SCHIP1: variants seen among roughly 807,000 people sequenced by gnomAD.
The protein encoded by SCHIP1 is schwannomin interacting protein 1, also known as schwannomin-interacting protein 1.
Under a neutral mutation model 29.7 loss-of-function variants are expected in SCHIP1, and 8 were observed. The ratio of observed to expected loss-of-function variants is 0.27; its 90% CI spans 0.16 to 0.49. The LOEUF (loss-of-function observed/expected upper bound fraction) is 0.49. Ranked by LOEUF, SCHIP1 falls within the 20% of genes least tolerant of loss-of-function variation. The pLI is 0.99. For missense variants in SCHIP1, 193 were observed against 294.6 expected, an observed-to-expected ratio of 0.66 and a Z score of 2.52; for synonymous variants, 76 against 94.9, an observed-to-expected ratio of 0.80 and a Z score of 1.16.
chr3:159,440,344 G>C, the SCHIP1 span, among the ~76,000 whole-genome samples: 1 of 152,124 alleles, frequency 6.6e-6, no homozygotes, highest in African/African-American at 2.4e-5. Flanking sequence ...CAGGTAACAT[G>C]ATGCCTCCAG....
the SCHIP1 span, among the ~76,000 whole-genome samples, chr3:159,360,929 G>T: frequency 9.9e-5 from 15 of 152,126 alleles, no homozygotes; most frequent in Non-Finnish European, 5.9e-5. Context: ...CTGGTGCCAG[G>T]TTCTGCTATG....
At chr3:159,803,143 C>T in the SCHIP1 span, among the ~76,000 whole-genome samples, 2 of 151,912 alleles carry the variant, frequency 1.3e-5, no homozygotes, top group South Asian at 4.2e-4. Flanking sequence ...GTATTCTTAT[C>T]CTAAGCATCC....
the SCHIP1 span, among the ~76,000 whole-genome samples, chr3:159,433,983 T>C: frequency 3.3e-5 from 5 of 152,206 alleles, no homozygotes; most frequent in Admixed American, 2.6e-4. Flanking sequence ...CTTGTCACAC[T>C]GTATCATAAT....
the SCHIP1 span, among the ~76,000 whole-genome samples, chr3:159,798,902 T>C: frequency 6.6e-6 from 1 of 152,240 alleles, no homozygotes; most frequent in African/African-American, 2.4e-5. Context: ...AGAATAATCA[T>C]GAGTTAAAAC....
At chr3:159,721,887 A>G in the SCHIP1 span, 1 of 432,354 alleles carries the variant, frequency 2.3e-6, no homozygotes. Context: ...CTGGCTAGAA[A>G]GCATCTCCTC....
At chr3:159,720,441 C>T in the SCHIP1 span, among the ~76,000 whole-genome samples, 7 of 151,872 alleles carry the variant, frequency 4.6e-5, no homozygotes, top group South Asian at 1.5e-3. Flanking sequence ...AACATCTTGC[C>T]CTTCTCAGTA....
At chr3:159,435,529 T>C in the SCHIP1 span, among the ~76,000 whole-genome samples, 1 of 152,130 alleles carries the variant, frequency 6.6e-6, no homozygotes, top group East Asian at 1.9e-4. Flanking sequence ...TGTGTCACCT[T>C]GGGTTTCTGG....
chr3:159,890,940 C>T (rs1717456834), intron 5 of SCHIP1, among the ~76,000 whole-genome samples: 1 of 152,166 alleles, frequency 6.6e-6, no homozygotes, highest in East Asian at 1.9e-4. Context: ...TAAATGGGTA[C>T]TCTCTTCCAT....
At chr3:159,709,037 T>C in the SCHIP1 span, among the ~76,000 whole-genome samples, 1 of 151,418 alleles carries the variant, frequency 6.6e-6, no homozygotes, top group Admixed American at 6.6e-5. Flanking sequence ...TTCTCAGGCA[T>C]AGAGTAGGTT....
the SCHIP1 span, among the ~76,000 whole-genome samples, chr3:159,693,862 A>T: frequency 6.6e-6 from 1 of 152,214 alleles, no homozygotes. Flanking sequence ...CAAAAAGTAA[A>T]TATCCATTAA....
chr3:159,496,293 A>G, the SCHIP1 span, among the ~76,000 whole-genome samples: 2 of 152,388 alleles, frequency 1.3e-5, no homozygotes, highest in East Asian at 1.9e-4. Flanking sequence ...ACAGCAAAAG[A>G]AACTACCATC....
At chr3:159,874,524 G>T (rs554644604) in intron 2 of SCHIP1, among the ~76,000 whole-genome samples, 2 of 152,342 alleles carry the variant, frequency 1.3e-5, no homozygotes, top group East Asian at 1.9e-4. Context: ...CTAACTGGGA[G>T]CTGTTATCAA....
intron 5 of SCHIP1, among the ~76,000 whole-genome samples, chr3:159,891,618 C>T (rs1410374442): frequency 6.6e-6 from 1 of 152,176 alleles, no homozygotes; most frequent in Non-Finnish European, 1.5e-5. Flanking sequence ...GCACATAGGG[C>T]TTCTCCTTTC....
At chr3:159,291,615 C>T in the SCHIP1 span, among the ~76,000 whole-genome samples, 4 of 152,160 alleles carry the variant, frequency 2.6e-5, no homozygotes, top group East Asian at 7.7e-4. Context: ...TCACTTGAAC[C>T]CAATTATTCA....
chr3:159,420,791 G>C, the SCHIP1 span, among the ~76,000 whole-genome samples: 2 of 152,126 alleles, frequency 1.3e-5, no homozygotes, highest in Non-Finnish European at 2.9e-5. Context: ...CGATTTATTT[G>C]GTTACTGAGA....
the SCHIP1 span, chr3:159,764,590 G>C: frequency 2.5e-6 from 4 of 1,608,880 alleles, no homozygotes; most frequent in Non-Finnish European, 3.4e-6. The surrounding 1 kb of genome is among the most constrained non-coding windows in gnomAD (Gnocchi z 6.1). Flanking sequence ...CCTGGACTTG[G>C]TGTCTGCCCT....
At chr3:159,869,103 C>A (rs1436377161) in intron 2 of SCHIP1, among the ~76,000 whole-genome samples, 1 of 152,100 alleles carries the variant, frequency 6.6e-6, no homozygotes, top group South Asian at 2.1e-4. Flanking sequence ...TTATGCTTTT[C>A]TCATCAACTT....
the SCHIP1 span, among the ~76,000 whole-genome samples, chr3:159,340,682 T>C: frequency 6.6e-6 from 1 of 152,138 alleles, no homozygotes; most frequent in African/African-American, 2.4e-5. Context: ...ACCTCTCTCT[T>C]GGAAAACTCC....
the SCHIP1 span, among the ~76,000 whole-genome samples, chr3:159,816,467 G>T: frequency 6.7e-6 from 1 of 149,552 alleles, no homozygotes; most frequent in Admixed American, 6.6e-5. Context: ...AGAGATGGGG[G>T]TCTTGCTTTG....
Sources: allele counts gnomAD v4.1 joint callset (sites outside exome capture counted in the v4.1 genomes callset), GRCh38; gene constraint gnomAD v4.1.1; non-coding constraint Gnocchi (gnomAD v3.1); transcripts MANE v1.5; gene names NCBI Gene and HGNC (gene_info 2026-07-23, HGNC 2026-07-21).